ESCO1: variants seen among roughly 807,000 people sequenced by gnomAD.
ESCO1 encodes the protein N-acetyltransferase ESCO1.
ESCO1 carries 33 observed loss-of-function variants against 83.5 expected under a neutral mutation model. The observed-to-expected ratio is 0.40, with a 90% CI of 0.30 to 0.53. ESCO1 has a LOEUF of 0.53. ESCO1 is among the 20% of genes least tolerant of loss of function. ESCO1 has a pLI of 0.63. For missense variants in ESCO1, 855 were observed against 968.0 expected (o/e 0.88, Z 1.55); for synonymous variants, 332 against 324.3 (o/e 1.02, Z -0.25).
chr18:21,561,761 G>C (rs2146198974), intron 7 of ESCO1, among the ~76,000 whole-genome samples: 1 of 151,920 alleles, frequency 6.6e-6, no homozygotes, highest in Admixed American at 6.6e-5. Flanking sequence ...TGCAGAGAGA[G>C]AATTTTACCA....
Position 21,574,021 on chromosome 18 carries a change from T to C in ESCO1, c.823A>G (p.Thr275Ala), listed in dbSNP as rs761260910. 14 of 1,613,306 alleles carry C rather than the reference T, an allele frequency of 8.7e-6. No individual in the cohort carries two copies. The highest frequency in any genetic ancestry group is 6.7e-5 in the Admixed American group (4 of 59,984). ...GATGGCTGTGGACTTTTTGGGAGTG[T>C]TGTGTTAGTATTCACTTGTGTATGA... ...SVHTQVNTNT[T>A]LPKSPQPSVP... The change falls in exon 4 of 12, where the codon ACA becomes GCA. Residue 275 changes from threonine to alanine, a missense_variant. Coordinates refer to ENST00000269214, the MANE Select transcript of ESCO1 (RefSeq NM_052911.3).
At chr18:21,564,806 T>C (rs1211352822) in intron 6 of ESCO1, among the ~76,000 whole-genome samples, 1 of 151,774 alleles carries the variant, frequency 6.6e-6, no homozygotes, top group Non-Finnish European at 1.5e-5. Context: ...GCCTATAAAA[T>C]CCCAGCACTT....
Position 21,574,200 on chromosome 18 carries a change from G to A in ESCO1, c.644C>T (p.Ala215Val). The A allele has an allele frequency of 6.2e-7, 1 of 1,613,854 alleles. No homozygotes were observed. The highest frequency in any genetic ancestry group is 8.5e-7 in the Non-Finnish European group (1 of 1,180,016). Residue 215 changes from alanine (A) to valine (V), a missense_variant, in exon 4 of 12, where the codon GCT (alanine) becomes GTT (valine). This residue lies in a region of ESCO1 where 726 missense variants were observed against 699.5 expected (regional missense o/e 1.04). Coordinates refer to ENST00000269214, the MANE Select transcript of ESCO1 (RefSeq NM_052911.3). Reference protein sequence around the residue: ...KRKVEHQTACACSSQCTQGSE... With the variant: ...KRKVEHQTACVCSSQCTQGSE... The stretch of plus-strand genomic sequence containing the variant: ...TCCTTGCGTGCATTGAGAACTACAA[G>A]CACAAGCTGTCTGATGTTCTACCTT...
rs763522457 is a variant in ESCO1 at position 21,574,198 on chromosome 18, A to C, written c.646T>G (p.Cys216Gly). ...GATCCTTGCGTGCATTGAGAACTACAAGCACAAGCTGTCTGATGTTCTACC... is the reference window on the plus strand; with the variant it reads ...GATCCTTGCGTGCATTGAGAACTACCAGCACAAGCTGTCTGATGTTCTACC... ...RKVEHQTACA[C>G]SSQCTQGSEK... The change falls in exon 4 of 12, where the codon TGT becomes GGT. Residue 216 changes from cysteine to glycine, a missense_variant. Physicochemically the swap from Cys to Gly is radical, Grantham distance 159 (BLOSUM62 -3). Around this residue, in one of 2 missense-constraint regions of ESCO1, gnomAD observed 726 missense variants for 699.5 expected, o/e 1.04. Coordinates refer to ENST00000269214, the MANE Select transcript of ESCO1 (RefSeq NM_052911.3). 3.1e-6 allele frequency: 5 copies of C among 1,613,862 alleles called. 1 individual carries two copies. In the South Asian group the frequency reaches 5.5e-5, roughly 18 times the overall value.
chr18:21,583,174 T>A (rs975466517), intron 2 of ESCO1, among the ~76,000 whole-genome samples: 1 of 151,160 alleles, frequency 6.6e-6, no homozygotes, highest in Non-Finnish European at 1.5e-5. Flanking sequence ...AGAGCGAGAC[T>A]CTGTCTCAAA....
chr18:21,530,258 A>T lies in ESCO1; in HGVS notation c.*85T>A. ...GCCAGTCCTGAGTTCATTGTAATAA[A>T]AATGGCCCTAGTTCCTGGTTAAAGT... is the stretch of plus-strand genomic sequence containing the variant. On this transcript the variant is annotated 3_prime_UTR_variant, in exon 12 of 12. Coordinates refer to ENST00000269214, the MANE Select transcript of ESCO1 (RefSeq NM_052911.3). 1 of 1,224,324 alleles carries T rather than the reference A, an allele frequency of 8.2e-7. No homozygotes were observed. Among genetic ancestry groups the T allele is most frequent in the East Asian group, 2.7e-5 (1 of 37,288 alleles). The allele number at this position is 1,224,324 out of a possible 1,614,324, so 75.8% of individuals were successfully genotyped here. A position where few individuals can be genotyped will look rare whatever the true frequency, so the allele number is the denominator to read the frequency against.
At chr18:21,555,537 T>C (rs912752054) in intron 8 of ESCO1, among the ~76,000 whole-genome samples, 5 of 152,186 alleles carry the variant, frequency 3.3e-5, no homozygotes, top group African/African-American at 1.2e-4. Flanking sequence ...CTGTACTACC[T>C]GCTCAATTTT....
chr18:21,600,200 G>A (rs759765370), intron 1 of ESCO1, among the ~76,000 whole-genome samples: 88 of 152,382 alleles, frequency 5.8e-4, no homozygotes, highest in Non-Finnish European at 9.8e-4. Flanking sequence ...AACGCAGGGG[G>A]CGGAGACGGG....
Position 21,595,920 on chromosome 18 carries a change from C to T in ESCO1, c.-825+4703G>A, listed in dbSNP as rs192351855. On this transcript the variant is annotated intron_variant, in intron 1 of 11. Transcript: ENST00000269214. ...CGGAGCTTGCAGTGAGCGGAGATCA[C>T]GCCACTGCACTCCACCCTGGGCGAC... is the stretch of plus-strand genomic sequence containing the variant. Among the ~76,000 whole-genome samples the T allele has an allele frequency of 6.8e-3, 1,027 of 151,854 alleles. 9 individuals carry two copies. The highest frequency in any genetic ancestry group is 0.02 in the African/African-American group (829 of 41,406).
At chr18:21,591,618 T>C (rs1289134163) in intron 1 of ESCO1, among the ~76,000 whole-genome samples, 1 of 152,140 alleles carries the variant, frequency 6.6e-6, no homozygotes, top group African/African-American at 2.4e-5. Context: ...CCAATCACAC[T>C]GTTATCATCA....
At chr18:21,561,075 T>C in intron 7 of ESCO1, 85 bp from the exon 8 acceptor site, 2 of 1,334,678 alleles carry the variant, frequency 1.5e-6, no homozygotes. Context: ...AGTGTGAGCA[T>C]AAAGTAAGAA....
In ESCO1 at chr18:21,529,770, T is replaced by C. The variant is rs2037743304; in HGVS notation, c.*573A>G. 6.6e-6 allele frequency: 1 copy of C among 152,286 alleles called. No homozygotes were observed. Among genetic ancestry groups the C allele is most frequent in the Non-Finnish European group, 1.5e-5 (1 of 68,032 alleles). 9.4% of individuals were successfully genotyped at this position (152,286 alleles called of 1,614,324 possible). A position where few individuals can be genotyped will look rare whatever the true frequency, so the allele number is the denominator to read the frequency against. ...GGAAAAAAAAGCTCAATATTCTAATTCTTCCTATTTAGCTGGAGCTTTCCT... is the reference window on the plus strand; with the variant it reads ...GGAAAAAAAAGCTCAATATTCTAATCCTTCCTATTTAGCTGGAGCTTTCCT... On this transcript the variant is annotated 3_prime_UTR_variant, in exon 12 of 12. Transcript: ENST00000269214.
chr18:21,579,794 GCACACACA>G (rs765904584), intron 2 of ESCO1, among the ~76,000 whole-genome samples: 1,955 of 37,152 alleles, frequency 0.053, 40 homozygotes, highest in South Asian at 0.1. Flanking sequence ...ACGCGCGCGC[GCACACACA>G]CACACACACA....
At chr18:21,554,669 G>A (rs948385989) in intron 8 of ESCO1, among the ~76,000 whole-genome samples, 4 of 152,138 alleles carry the variant, frequency 2.6e-5, no homozygotes. Context: ...CGGCACTTTG[G>A]GAGACGGAGG....
In ESCO1 at chr18:21,529,817, A is replaced by G. The variant is rs2037744263; in HGVS notation, c.*526T>C. 1 of 152,496 alleles carries G rather than the reference A, an allele frequency of 6.6e-6. No homozygotes were observed. Among genetic ancestry groups the G allele is most frequent in the East Asian group, 1.9e-4 (1 of 5,204 alleles). 9.4% of individuals were successfully genotyped at this position (152,496 alleles called of 1,614,324 possible). On this transcript the variant is annotated 3_prime_UTR_variant, in exon 12 of 12. Coordinates refer to ENST00000269214, the MANE Select transcript of ESCO1 (RefSeq NM_052911.3). The stretch of plus-strand genomic sequence containing the variant: ...TCCTTTTCTATAGGGGTTTCTTCAA[A>G]GTATAGTTCAGGCCTTTTAAAAATT...
At chr18:21,535,908 C>T in intron 10 of ESCO1, 134 bp downstream of exon 10, 1 of 1,058,096 alleles carries the variant, frequency 9.5e-7, no homozygotes, top group East Asian at 2.4e-5. Context: ...TGAAGACTCA[C>T]ACATGGGAAT....
At chr18:21,565,177 TA>T (rs776795011) in intron 6 of ESCO1, among the ~76,000 whole-genome samples, 7 of 151,722 alleles carry the variant, frequency 4.6e-5, no homozygotes, top group Non-Finnish European at 8.8e-5. Context: ...TAATTTTCAG[TA>T]AAAAAAAGGC....
At chr18:21,536,008 C>T (rs2037832133) in intron 10 of ESCO1, 34 bp downstream of exon 10, 2 of 1,603,876 alleles carry the variant, frequency 1.2e-6, no homozygotes, top group Non-Finnish European at 1.7e-6. Flanking sequence ...TCATTAAACA[C>T]CAAATTACTT....
chr18:21,535,829 A>G (rs2037830002), intron 10 of ESCO1, among the ~76,000 whole-genome samples: 1 of 152,186 alleles, frequency 6.6e-6, no homozygotes, highest in African/African-American at 2.4e-5. Context: ...TGGTATTCTG[A>G]TTCTACAGAA....
Sources: allele counts gnomAD v4.1 joint callset (sites outside exome capture counted in the v4.1 genomes callset), GRCh38; gene constraint gnomAD v4.1.1; regional missense constraint gnomAD v4.1.1; transcripts MANE v1.5; gene names NCBI Gene and HGNC (gene_info 2026-07-23, HGNC 2026-07-21).